Variants in MAGIX observed in about 807,000 individuals in gnomAD.
MAGIX encodes the protein PDZ domain-containing protein MAGIX.
In MAGIX, 13 loss-of-function variants were observed where a neutral mutation model predicts 10.0. The observed-to-expected ratio is 1.30, with a 90% CI of 0.84 to 2.06. The LOEUF is 2.06. Among genes scored for constraint, MAGIX ranks in the 30% most tolerant of loss-of-function variants. MAGIX has a pLI of 0.00. For synonymous variants in MAGIX, 108 were observed against 106.8 expected (o/e 1.01, Z -0.07); for missense variants, 235 against 245.2 (o/e 0.96, Z 0.28).
At chrX:49,162,875 G>A (rs782438736) in intron 1 of MAGIX, 4 of 901,808 alleles carry the variant, frequency 4.4e-6, no homozygotes, top group Middle Eastern at 3.6e-4. Context: ...GCGTCCACCC[G>A]GCGGACTACT....
chrX:49,163,762 C>A, intron 1 of MAGIX, 21 bp from the exon 2 acceptor site: 1 of 1,036,283 alleles, frequency 9.6e-7, no homozygotes, highest in South Asian at 2.7e-5. Flanking sequence ...TCGGCGTTGA[C>A]CTGTCCCCTC....
exon 5 of MAGIX, chrX:49,166,795 C>A: frequency 6.9e-6 from 1 of 145,690 alleles, no homozygotes; most frequent in Non-Finnish European, 1.3e-5. Flanking sequence ...GTCTGGCGTG[C>A]TTTCTTTTTC....
At chrX:49,163,813 G>A in exon 2 of MAGIX, 1 of 1,049,818 alleles carries the variant, frequency 9.5e-7, no homozygotes, top group Non-Finnish European at 1.2e-6. Flanking sequence ...GCGGGCCCTA[G>A]CGCCCGGCAG....
chrX:49,166,473 T>C (rs1272899463), exon 5 of MAGIX: 1 of 895,811 alleles, frequency 1.1e-6, no homozygotes, highest in Middle Eastern at 4.3e-4. Flanking sequence ...GCTGGGCACT[T>C]GGCACCTCCC....
chrX:49,162,962 GA>G, intron 1 of MAGIX, 24 bp downstream of exon 1: 1 of 580,869 alleles, frequency 1.7e-6, no homozygotes, highest in Non-Finnish European at 2.5e-6. Flanking sequence ...GGTCGTTGGG[GA>G]AGGACAGGGC....
Position 49,164,895 on chromosome X carries a change from C to G in MAGIX, c.135C>G (p.Pro45=), listed in dbSNP as rs782135327. 6 of 1,210,913 alleles carry G rather than the reference C, an allele frequency of 5.0e-6. No individual in the cohort carries two copies. The African/African-American group carries it at 1.0e-4, about 21-fold the overall frequency. ...GGTTAGAGACATGTAACGCACCTCCCCAATTGATCCAGGGTAAGGCACGTA... is the reference window on the plus strand; with the variant it reads ...GGTTAGAGACATGTAACGCACCTCCGCAATTGATCCAGGGTAAGGCACGTA... Residue 45 remains proline (P), a synonymous_variant, in exon 3 of 5, where the codon CCC becomes CCG. Transcript: ENST00000616266.
chrX:49,166,273 C>A (rs1194460466), exon 5 of MAGIX: 1 of 1,193,953 alleles, frequency 8.4e-7, no homozygotes, highest in Admixed American at 2.3e-5. Flanking sequence ...AGGATCCCAA[C>A]GACCAGATCC....
In MAGIX at chrX:49,163,013, C is replaced by G. The variant is rs782023740; in HGVS notation, c.-202+268C>G. The G allele has an allele frequency of 4.0e-3, 1,463 of 362,525 alleles. 26 individuals carry two copies. Among genetic ancestry groups the G allele is most frequent in the African/African-American group, 0.034 (1,276 of 37,106 alleles). The allele number at this position is 362,525 out of a possible 1,213,427, so 29.9% of individuals were successfully genotyped here. On this transcript the variant is annotated intron_variant, in intron 1 of 4. Coordinates refer to ENST00000616266, the Ensembl canonical transcript of MAGIX. ...CCCGTCCCGCCTGTCTGCTCCACAC[C>G]TTTTCCTTCTGACAGGTGGTAAACA... is the stretch of plus-strand genomic sequence containing the variant.
exon 3 of MAGIX, chrX:49,164,810 C>G: frequency 8.3e-7 from 1 of 1,208,972 alleles, no homozygotes; most frequent in Non-Finnish European, 1.1e-6. Flanking sequence ...ATCCTTCTAT[C>G]GGAGGCCTCC....
At chrX:49,168,675 A>C (rs1385171273), downstream of MAGIX, among the ~76,000 whole-genome samples, 2 of 101,413 alleles carry the variant, frequency 2.0e-5, no homozygotes, top group Non-Finnish European at 4.0e-5. Context: ...TACTTGGGAC[A>C]CTGAGGTGGG....
At chrX:49,163,996 G>A in intron 2 of MAGIX, 67 bp downstream of exon 2, 1 of 953,925 alleles carries the variant, frequency 1.0e-6, no homozygotes, top group Non-Finnish European at 1.3e-6. Context: ...AGTGGGACAG[G>A]CCTGGGGGGT....
exon 4 of MAGIX, chrX:49,165,259 C>T (rs1557097561): frequency 5.9e-6 from 7 of 1,179,985 alleles, no homozygotes; most frequent in South Asian, 1.9e-5. Context: ...GGCCGTGGAG[C>T]GGATCCGAGC....
chrX:49,167,907 C>T (rs1246855063), exon 5 of MAGIX: 2 of 112,055 alleles, frequency 1.8e-5, no homozygotes, highest in Non-Finnish European at 3.8e-5. Flanking sequence ...CGAATATGTC[C>T]ATTTCGCAGA....
exon 3 of MAGIX, chrX:49,164,714 C>A: frequency 8.3e-7 from 1 of 1,209,093 alleles, no homozygotes; most frequent in Non-Finnish European, 1.1e-6. Context: ...CAGCTGTTAG[C>A]GTGCTGGACT....
chrX:49,165,475 T>A, intron 4 of MAGIX, 114 bp downstream of exon 5: 1 of 711,988 alleles, frequency 1.4e-6, no homozygotes, highest in Non-Finnish European at 2.0e-6. Context: ...GTGGGGAGGG[T>A]CTGCAAGAGG....
intron 4 of MAGIX, 106 bp downstream of exon 5, chrX:49,165,467 G>C (rs2065360394): frequency 2.5e-6 from 2 of 785,388 alleles, no homozygotes; most frequent in Admixed American, 7.8e-5. Context: ...TGGTCTCTGT[G>C]GGGAGGGTCT....
At chrX:49,163,625 C>G in intron 1 of MAGIX, 158 bp from the exon 2 acceptor site, 1 of 439,936 alleles carries the variant, frequency 2.3e-6, no homozygotes, top group East Asian at 5.4e-5. Context: ...TCGGGGATCG[C>G]GTGAGGGGAG....
rs7891878 is a variant in MAGIX at position 49,164,712 on chromosome X, A to G, written c.-49A>G. ...CCACTGCTTTTATCTCCCAGCTGTT[A>G]GCGTGCTGGACTCTGCGGACATAGA... On this transcript the variant is annotated 5_prime_UTR_variant, in exon 3 of 5. Transcript: ENST00000616266. 6,175 of 1,207,536 alleles carry G rather than the reference A, an allele frequency of 5.1e-3. 221 individuals are homozygous for G. In the African/African-American group the frequency reaches 0.096, roughly 19 times the overall value.
exon 4 of MAGIX, chrX:49,165,291 G>T: frequency 8.5e-7 from 1 of 1,183,036 alleles, no homozygotes; most frequent in Non-Finnish European, 1.1e-6. Flanking sequence ...AGCTCCACCT[G>T]GTTATTCGTC....
Sources: allele counts gnomAD v4.1 joint callset (sites outside exome capture counted in the v4.1 genomes callset), GRCh38; gene constraint gnomAD v4.1.1; transcripts MANE v1.5; gene names NCBI Gene and HGNC (gene_info 2026-07-23, HGNC 2026-07-21).